PITPNM2: variants seen among roughly 807,000 people sequenced by gnomAD.
The protein encoded by PITPNM2 is membrane-associated phosphatidylinositol transfer protein 2.
In PITPNM2, 35 loss-of-function variants were observed where a neutral mutation model predicts 132.2. The ratio of observed to expected loss-of-function variants is 0.26; its 90% CI spans 0.20 to 0.35. The LOEUF is 0.35. Ranked by LOEUF, PITPNM2 falls within the 10% of genes least tolerant of loss-of-function variation. PITPNM2 has a pLI of 1.00. For missense variants in PITPNM2, 1,332 were observed against 1,912.0 expected (o/e 0.70, Z 5.66); for synonymous variants, 738 against 799.2 (o/e 0.92, Z 1.29).
In PITPNM2 at chr12:123,089,086, C is replaced by T. The variant is rs1166075337; in HGVS notation, c.-96+21299G>A. 2.6e-5 allele frequency: 4 copies of T among 152,186 alleles called. No homozygotes were observed. In the East Asian group the frequency reaches 5.8e-4, roughly 22 times the overall value. 9.4% of individuals were successfully genotyped at this position (152,186 alleles called of 1,614,324 possible). On this transcript the variant is annotated intron_variant, in intron 2 of 25. Transcript: ENST00000320201. ...AGTGCCTGACACCATAGCAGGTATA[C>T]AAAAAATGATAGAGGAATGAACAAG...
rs774095596 is a variant in PITPNM2 at position 123,136,084 on chromosome 12, C to T, written c.-200+14669G>A. Among the ~76,000 whole-genome samples, 4 of 151,930 alleles carry T rather than the reference C, an allele frequency of 2.6e-5. 1 individual carries two copies. Among genetic ancestry groups the T allele is most frequent in the South Asian group, 4.2e-4 (2 of 4,818 alleles). The stretch of plus-strand genomic sequence containing the variant: ...TTGGGAGGCTGAGGCAGGTGGATCA[C>T]GAGGTCAGGAGATCAAGAAGATCCT... On this transcript the variant is annotated intron_variant, in intron 1 of 25. Coordinates refer to ENST00000320201, the MANE Select transcript of PITPNM2 (RefSeq NM_020845.3).
chr12:123,066,323 C>A (rs2041411378), intron 2 of PITPNM2, among the ~76,000 whole-genome samples: 1 of 152,050 alleles, frequency 6.6e-6, no homozygotes, highest in South Asian at 2.1e-4. Context: ...ACGGAGTGGG[C>A]TGGTGCAGGC....
At chr12:123,045,567 C>T (rs2040625276) in intron 2 of PITPNM2, among the ~76,000 whole-genome samples, 1 of 152,240 alleles carries the variant, frequency 6.6e-6, no homozygotes, top group Non-Finnish European at 1.5e-5. Flanking sequence ...ACAAGGTTCT[C>T]CTCTTTACTT....
chr12:123,060,151 T>C (rs879377618), intron 2 of PITPNM2, among the ~76,000 whole-genome samples: 3 of 152,132 alleles, frequency 2.0e-5, no homozygotes, highest in African/African-American at 7.2e-5. Flanking sequence ...CATGTTGACC[T>C]TTATTTTTTT....
Position 123,077,274 on chromosome 12 carries a change from G to A in PITPNM2, c.-96+33111C>T, listed in dbSNP as rs531270831. Among the ~76,000 whole-genome samples the A allele has an allele frequency of 1.2e-3, 181 of 152,282 alleles. 1 individual carries two copies. The highest frequency in any genetic ancestry group is 3.7e-3 in the African/African-American group (154 of 41,544). ...GGAAATCTTGGTTATGGGGGATATC[G>A]GGGTGGGGAGGGACACCCCTTGTTA... On this transcript the variant is annotated intron_variant, in intron 2 of 25. Transcript: ENST00000320201. The surrounding 1 kb of genome is among the most constrained non-coding windows in gnomAD (Gnocchi z 4.8).
At position 123,048,080 on chromosome 12, in the gene PITPNM2, CAG is replaced by C. The variant is rs1279682779; in HGVS notation, c.-95-13397_-95-13396del. Among the ~76,000 whole-genome samples the C allele has an allele frequency of 4.4e-5, 6 of 137,190 alleles. No individual in the cohort carries two copies. The South Asian group carries it at 9.1e-4, about 21-fold the overall frequency. The allele number at this position is 137,190 out of a possible 152,430, so 90.0% of individuals were successfully genotyped here. On this transcript the variant is annotated intron_variant, in intron 2 of 25. Coordinates refer to ENST00000320201, the MANE Select transcript of PITPNM2 (RefSeq NM_020845.3). ...CACAACTGTACTCCAGCCTGGGCAA[CAG>C]AGTGAGACTCCATCTCAAAAAAAAA...
chr12:122,995,425 A>G lies in PITPNM2; in HGVS notation c.2018T>C (p.Leu673Pro), dbSNP rs767541245. The G allele has an allele frequency of 2.5e-6, 4 of 1,611,602 alleles. No individual in the cohort carries two copies. The highest frequency in any genetic ancestry group is 3.4e-6 in the Non-Finnish European group (4 of 1,178,508). ...RKRSDSSTYE[L>P]DTIQQHQAFL... is the part of the protein sequence containing the mutation. ...GGCCTGGTGCTGCTGGATGGTATCC[A>G]GCTCGTAGGTGGATGAGTCGCTCCT... The change falls in exon 14 of 26, where the codon CTG (leucine) becomes CCG (proline). Residue 673 changes from leucine (L) to proline (P), a missense_variant. Physicochemically the swap from Leu to Pro is moderately conservative, Grantham distance 98. Around this residue, in one of 6 missense-constraint regions of PITPNM2, gnomAD observed 710 missense variants for 911.5 expected, o/e 0.78. Transcript: ENST00000320201.
chr12:123,038,631 T>C (rs1408453521), intron 2 of PITPNM2, among the ~76,000 whole-genome samples: 1 of 152,072 alleles, frequency 6.6e-6, no homozygotes, highest in Non-Finnish European at 1.5e-5. Flanking sequence ...TGAGAAGTAC[T>C]CAATCCAGTA....
At chr12:123,071,496 G>A (rs2041619926) in intron 2 of PITPNM2, among the ~76,000 whole-genome samples, 1 of 152,212 alleles carries the variant, frequency 6.6e-6, no homozygotes, top group South Asian at 2.1e-4. Flanking sequence ...CTGGGTTCAG[G>A]TGGCTGGCAG....
At chr12:123,092,544 T>A (rs1275714234) in intron 2 of PITPNM2, 1 of 152,250 alleles carries the variant, frequency 6.6e-6, no homozygotes, top group African/African-American at 2.4e-5. Flanking sequence ...GCTAATCTAG[T>A]CTTGCTGGGT....
chr12:123,057,747 C>T (rs749657476), intron 2 of PITPNM2, among the ~76,000 whole-genome samples: 7 of 152,200 alleles, frequency 4.6e-5, no homozygotes, highest in African/African-American at 9.6e-5. Context: ...CCCACCGCGA[C>T]GCCCACCCCT....
At chr12:123,003,578 C>T (rs920266635) in intron 8 of PITPNM2, among the ~76,000 whole-genome samples, 5 of 152,254 alleles carry the variant, frequency 3.3e-5, no homozygotes, top group African/African-American at 1.2e-4. Context: ...CAGGTTCCTT[C>T]CCTTGAGGGC....
intron 8 of PITPNM2, among the ~76,000 whole-genome samples, chr12:123,002,273 T>C (rs912418525): frequency 6.6e-6 from 1 of 152,130 alleles, no homozygotes; most frequent in Non-Finnish European, 1.5e-5. Flanking sequence ...GAGGCAGAGA[T>C]TGCAGTGAGC....
chr12:123,032,188 C>T (rs1427594648), intron 3 of PITPNM2, among the ~76,000 whole-genome samples: 3 of 152,192 alleles, frequency 2.0e-5, no homozygotes, highest in Non-Finnish European at 4.4e-5. Context: ...TTCAAAAAAA[C>T]CCTGAAGTGG....
At chr12:123,096,503 G>T (rs966097422) in intron 2 of PITPNM2, among the ~76,000 whole-genome samples, 2 of 152,200 alleles carry the variant, frequency 1.3e-5, no homozygotes, top group African/African-American at 4.8e-5. Flanking sequence ...TTCTAGCTAG[G>T]AAGAGGCAGT....
At chr12:123,061,271 G>T (rs915744471) in intron 2 of PITPNM2, among the ~76,000 whole-genome samples, 1 of 152,234 alleles carries the variant, frequency 6.6e-6, no homozygotes, top group South Asian at 2.1e-4. Flanking sequence ...TGGAATGGGG[G>T]AAGGGTAACA....
chr12:123,133,833 C>A (rs2043318050), intron 1 of PITPNM2, among the ~76,000 whole-genome samples: 1 of 151,626 alleles, frequency 6.6e-6, no homozygotes, highest in Non-Finnish European at 1.5e-5. Context: ...CACGCTCCTC[C>A]CTCACTGTAC....
chr12:123,028,302 C>T (rs1263210796), intron 3 of PITPNM2, among the ~76,000 whole-genome samples: 1 of 152,198 alleles, frequency 6.6e-6, no homozygotes, highest in African/African-American at 2.4e-5. Context: ...TACTTTGACG[C>T]GCGAGCCCAG....
In PITPNM2 at chr12:123,013,937, C is replaced by A. The variant is rs1392347216; in HGVS notation, c.184G>T (p.Val62Leu). Residue 62 changes from valine to leucine, a missense_variant, in exon 4 of 26, where the codon GTG (valine) becomes TTG (leucine). By Grantham distance (32) the Val-to-Leu change is conservative. Transcript: ENST00000320201. ...GGAATGTGCATGCCCACATGATACA[C>A]CTTGTGTGTGTACTGCCCAGAGCCG... is the stretch of plus-strand genomic sequence containing the variant. ...PGGSGQYTHK[V>L]YHVGMHIPSW... 1 of 1,614,274 alleles carries A rather than the reference C, an allele frequency of 6.2e-7. No individual in the cohort carries two copies. The highest frequency in any genetic ancestry group is 1.1e-5 in the South Asian group (1 of 91,090).
Sources: gnomAD v4.1 joint callset for allele counts (sites outside exome capture counted in the v4.1 genomes callset) on GRCh38, gnomAD v4.1.1 for gene constraint, gnomAD v4.1.1 regional missense constraint, Gnocchi (gnomAD v3.1) non-coding constraint, MANE v1.5 for transcripts, NCBI Gene and HGNC (gene_info 2026-07-23, HGNC 2026-07-21) for gene names.